KHDRBS2: variants seen among roughly 807,000 people sequenced by gnomAD.
KHDRBS2 encodes KH domain-containing, RNA-binding, signal transduction-associated protein 2.
A neutral mutation model predicts 44.3 loss-of-function variants in KHDRBS2; 26 were observed. The ratio of observed to expected loss-of-function variants is 0.59; its 90% CI spans 0.43 to 0.81. The LOEUF (loss-of-function observed/expected upper bound fraction) is 0.81. KHDRBS2 is among the 40% of genes least tolerant of loss of function. KHDRBS2 has a pLI of 0.00. For synonymous variants in KHDRBS2, 194 were observed against 151.1 expected (o/e 1.28, Z -2.08); for missense variants, 476 against 433.1 (o/e 1.10, Z -0.88).
intron 6 of KHDRBS2, among the ~76,000 whole-genome samples, chr6:61,881,541 G>A (rs1408607620): frequency 1.3e-5 from 2 of 151,926 alleles, no homozygotes; most frequent in Middle Eastern, 3.4e-3. Flanking sequence ...TCAACATCTC[G>A]ACAGGCAGAG....
chr6:61,901,696 G>C (rs1406701339), intron 4 of KHDRBS2, among the ~76,000 whole-genome samples: 1 of 152,126 alleles, frequency 6.6e-6, no homozygotes, highest in African/African-American at 2.4e-5. Context: ...ATGTGCTAAA[G>C]TTATGATTGT....
chr6:61,554,461 C>T, the KHDRBS2 span, among the ~76,000 whole-genome samples: 1 of 152,000 alleles, frequency 6.6e-6, no homozygotes, highest in Admixed American at 6.6e-5. Flanking sequence ...CTTTATCTAA[C>T]TTGTCAATCT....
At chr6:61,771,359 G>A (rs372847167) in intron 6 of KHDRBS2, among the ~76,000 whole-genome samples, 1 of 152,042 alleles carries the variant, frequency 6.6e-6, no homozygotes, top group African/African-American at 2.4e-5. Flanking sequence ...ATGTAAATGG[G>A]CTAAATGCTC....
At chr6:61,913,330 T>C (rs1583476576) in intron 4 of KHDRBS2, among the ~76,000 whole-genome samples, 1 of 151,930 alleles carries the variant, frequency 6.6e-6, no homozygotes, top group East Asian at 1.9e-4. Flanking sequence ...GATTTTTATA[T>C]TGTTCTAAGA....
chr6:61,955,056 G>T (rs1304546324), intron 4 of KHDRBS2, among the ~76,000 whole-genome samples: 1 of 142,926 alleles, frequency 7.0e-6, no homozygotes. Context: ...ATACATATAT[G>T]TATGTATACA....
intron 4 of KHDRBS2, among the ~76,000 whole-genome samples, chr6:61,914,926 A>G (rs1562432922): frequency 2.6e-5 from 4 of 152,156 alleles, no homozygotes; most frequent in Non-Finnish European, 4.4e-5. Context: ...CGAGCAATCC[A>G]GGTAGATGTC....
At chr6:61,976,543 T>C (rs866258554) in intron 4 of KHDRBS2, among the ~76,000 whole-genome samples, 21 of 152,106 alleles carry the variant, frequency 1.4e-4, no homozygotes, top group African/African-American at 5.1e-4. Flanking sequence ...ATTTCTATTA[T>C]ATTTTCTACA....
At chr6:61,765,972 G>C (rs754990370) in intron 6 of KHDRBS2, among the ~76,000 whole-genome samples, 2 of 151,978 alleles carry the variant, frequency 1.3e-5, no homozygotes, top group Non-Finnish European at 2.9e-5. Flanking sequence ...TCTAGTTTTA[G>C]TATCAGGGTA....
At chr6:61,607,520 C>CAAAAAAAAAAAAAAAAAAAAAAA in the KHDRBS2 span, among the ~76,000 whole-genome samples, 1 of 41,098 alleles carries the variant, frequency 2.4e-5, no homozygotes, top group Non-Finnish European at 4.1e-5. Flanking sequence ...GAGTTCCAAG[C>CAAAAAAAAAAAAAAAAAAAAAAA]AAAAAAAAAA....
intron 2 of KHDRBS2, among the ~76,000 whole-genome samples, chr6:62,175,193 T>C (rs1382374819): frequency 6.6e-6 from 1 of 151,674 alleles, no homozygotes; most frequent in Non-Finnish European, 1.5e-5. Context: ...TCTTTTTCTA[T>C]CAAAAAGCTC....
intron 6 of KHDRBS2, among the ~76,000 whole-genome samples, chr6:61,740,734 T>C (rs1321380181): frequency 2.0e-5 from 3 of 151,924 alleles, no homozygotes; most frequent in East Asian, 1.9e-4. Flanking sequence ...TGTGAAAGCG[T>C]TGGCTGATGG....
chr6:62,007,887 T>A (rs1584117969), intron 3 of KHDRBS2, among the ~76,000 whole-genome samples: 1 of 152,170 alleles, frequency 6.6e-6, no homozygotes, highest in Non-Finnish European at 1.5e-5. Flanking sequence ...ATGTTGTGCA[T>A]CTCTACTGTA....
chr6:62,173,650 T>C (rs532230869), intron 2 of KHDRBS2, among the ~76,000 whole-genome samples: 1 of 152,134 alleles, frequency 6.6e-6, no homozygotes, highest in South Asian at 2.1e-4. Flanking sequence ...TTGATGAACG[T>C]AGATGCAACA....
intron 2 of KHDRBS2, among the ~76,000 whole-genome samples, chr6:62,129,825 T>A (rs1809858723): frequency 6.6e-6 from 1 of 152,162 alleles, no homozygotes; most frequent in Non-Finnish European, 1.5e-5. Context: ...AGCACAGTTT[T>A]ATTGGAGAAT....
chr6:61,555,633 A>T, the KHDRBS2 span, among the ~76,000 whole-genome samples: 3 of 152,228 alleles, frequency 2.0e-5, no homozygotes, highest in Admixed American at 6.5e-5. Flanking sequence ...ACATCTGTAT[A>T]GGCTGATGCT....
intron 2 of KHDRBS2, among the ~76,000 whole-genome samples, chr6:62,073,983 C>A (rs191520713): frequency 9.9e-5 from 15 of 151,842 alleles, no homozygotes; most frequent in Admixed American, 8.6e-4. Context: ...TCCACTTTTT[C>A]TACGGAAACA....
chr6:61,703,355 T>C (rs947437949), intron 7 of KHDRBS2, among the ~76,000 whole-genome samples: 1 of 151,834 alleles, frequency 6.6e-6, no homozygotes, highest in Admixed American at 6.6e-5. Context: ...CATGGTGAAA[T>C]GGTTACTATA....
chr6:62,176,710 A>G (rs1219248319), intron 2 of KHDRBS2, among the ~76,000 whole-genome samples: 3 of 151,328 alleles, frequency 2.0e-5, no homozygotes, highest in Non-Finnish European at 4.4e-5. Context: ...TTATGAATAA[A>G]CTTTGATTAT....
rs538713882 is a variant in KHDRBS2, at chr6:61,863,361, G to GT, written c.810+31273dup. 2.0e-3 allele frequency among the ~76,000 whole-genome samples: 296 copies of GT among 150,454 alleles called. 1 individual carries two copies. Among genetic ancestry groups the GT allele is most frequent in the African/African-American group, 7.1e-3 (290 of 40,992 alleles). On this transcript the variant is annotated intron_variant, in intron 6 of 8. Transcript: ENST00000281156. Reference sequence around the variant, plus strand: ...GGGTGCCTTTGCACTTGGTTCTCTAGTTTTTTTAGTTGTGATGTTAGATTA... The same window carrying GT: ...GGGTGCCTTTGCACTTGGTTCTCTAGTTTTTTTTAGTTGTGATGTTAGATTA...
Sources: gnomAD v4.1 joint callset for allele counts (sites outside exome capture counted in the v4.1 genomes callset) on GRCh38, gnomAD v4.1.1 for gene constraint, MANE v1.5 for transcripts, NCBI Gene and HGNC (gene_info 2026-07-23, HGNC 2026-07-21) for gene names.